Variants in VTI1A observed in about 807,000 individuals in gnomAD.
VTI1A encodes the protein vesicle transport through interaction with t-SNAREs 1A, also known as vesicle transport through interaction with t-SNAREs homolog 1A.
A neutral mutation model predicts 34.9 loss-of-function variants in VTI1A; 22 were observed. That is an observed-to-expected ratio of 0.63 (90% CI 0.45 to 0.90). The LOEUF is 0.90. Among genes scored for constraint, VTI1A ranks in the 40% least tolerant of loss-of-function variants. The pLI is 0.00. For synonymous variants in VTI1A, 87 were observed against 97.3 expected, an observed-to-expected ratio of 0.89 and a Z score of 0.62; for missense variants, 268 against 275.6, an observed-to-expected ratio of 0.97 and a Z score of 0.20.
intron 3 of VTI1A, 190 bp downstream of exon 3, chr10:112,464,847 G>A: frequency 1.7e-6 from 1 of 593,634 alleles, no homozygotes; most frequent in Non-Finnish European, 3.0e-6. Context: ...AAGGTATGTT[G>A]GATTAATGAT....
At chr10:112,639,474 C>T (rs947113044) in intron 5 of VTI1A, among the ~76,000 whole-genome samples, 1 of 152,112 alleles carries the variant, frequency 6.6e-6, no homozygotes, top group African/African-American at 2.4e-5. Flanking sequence ...CTCATGTTAA[C>T]ATCATCATTT....
intron 5 of VTI1A, among the ~76,000 whole-genome samples, chr10:112,569,956 A>G (rs1852058173): frequency 6.6e-6 from 1 of 152,220 alleles, no homozygotes; most frequent in African/African-American, 2.4e-5. Flanking sequence ...GTTTTTCTCT[A>G]GAGAAATGTC....
chr10:112,819,017 T>C (rs1853600725), downstream of VTI1A, among the ~76,000 whole-genome samples: 1 of 152,192 alleles, frequency 6.6e-6, no homozygotes, highest in East Asian at 1.9e-4. Context: ...AGGCACACTT[T>C]AATATTTAAT....
At chr10:112,578,383 A>G (rs1352656023) in intron 5 of VTI1A, among the ~76,000 whole-genome samples, 1 of 152,190 alleles carries the variant, frequency 6.6e-6, no homozygotes, top group Non-Finnish European at 1.5e-5. Context: ...CTGGTTGAGT[A>G]AAAGGTATAT....
chr10:112,473,045 C>G (rs566097586), intron 3 of VTI1A, among the ~76,000 whole-genome samples: 2 of 149,478 alleles, frequency 1.3e-5, no homozygotes, highest in African/African-American at 4.9e-5. Flanking sequence ...CTTCTCTCCC[C>G]TTCTCCCTTG....
chr10:112,548,408 C>G (rs1429664465), intron 5 of VTI1A, among the ~76,000 whole-genome samples: 1 of 151,912 alleles, frequency 6.6e-6, no homozygotes, highest in East Asian at 1.9e-4. Context: ...AAACTAATAA[C>G]TTAAAACTGC....
chr10:112,474,718 A>G (rs1848222273), intron 3 of VTI1A, among the ~76,000 whole-genome samples: 1 of 151,828 alleles, frequency 6.6e-6, no homozygotes, highest in Non-Finnish European at 1.5e-5. Flanking sequence ...CAGCCTCCCA[A>G]AGTGCTGGGA....
intron 3 of VTI1A, among the ~76,000 whole-genome samples, chr10:112,518,593 A>C (rs200848485): frequency 6.4e-4 from 80 of 125,668 alleles, no homozygotes; most frequent in Admixed American, 2.6e-3. Context: ...CTCTCTCTAT[A>C]TATATATATA....
intron 5 of VTI1A, among the ~76,000 whole-genome samples, chr10:112,569,267 T>A (rs1852028784): frequency 6.6e-6 from 1 of 152,216 alleles, no homozygotes; most frequent in Non-Finnish European, 1.5e-5. Context: ...TGTTGCCTTC[T>A]GTGATCCAGG....
chr10:112,789,280 T>C (rs1852387603), intron 7 of VTI1A, among the ~76,000 whole-genome samples: 2 of 152,218 alleles, frequency 1.3e-5, no homozygotes, highest in Non-Finnish European at 2.9e-5. Flanking sequence ...TTATGTCACC[T>C]TCACTTTTAG....
At chr10:112,465,928 T>C (rs188927562) in intron 3 of VTI1A, among the ~76,000 whole-genome samples, 126 of 152,332 alleles carry the variant, frequency 8.3e-4, no homozygotes, top group Non-Finnish European at 1.1e-3. Context: ...AAAACCCTGC[T>C]AATGATAAAA....
chr10:112,573,336 C>A (rs1277445357), intron 5 of VTI1A, among the ~76,000 whole-genome samples: 1 of 152,096 alleles, frequency 6.6e-6, no homozygotes, highest in Non-Finnish European at 1.5e-5. Context: ...TCTTTATTGT[C>A]CCGTTTTCCT....
chr10:112,447,747 A>G (rs1316029937), intron 1 of VTI1A, among the ~76,000 whole-genome samples: 1 of 152,216 alleles, frequency 6.6e-6, no homozygotes, highest in Admixed American at 6.5e-5. Context: ...TTAACGTCTT[A>G]AGAGTCTTAA....
At chr10:112,662,156 G>A (rs1017168909) in intron 5 of VTI1A, among the ~76,000 whole-genome samples, 2 of 152,168 alleles carry the variant, frequency 1.3e-5, no homozygotes, top group Non-Finnish European at 2.9e-5. Flanking sequence ...TTGCTCAGAG[G>A]TTGTTAAACT....
chr10:112,754,120 T>G (rs554803665), intron 7 of VTI1A, among the ~76,000 whole-genome samples: 1 of 152,216 alleles, frequency 6.6e-6, no homozygotes, highest in Non-Finnish European at 1.5e-5. Context: ...TGGGAAAATG[T>G]TAAGCCCAAA....
intron 1 of VTI1A, among the ~76,000 whole-genome samples, chr10:112,447,911 C>T (rs1188805420): frequency 1.3e-5 from 2 of 152,046 alleles, no homozygotes; most frequent in African/African-American, 4.8e-5. Context: ...ATCAGGGTGC[C>T]TAGATTCAAA....
chr10:112,582,751 T>C (rs1436159318), intron 5 of VTI1A, among the ~76,000 whole-genome samples: 4 of 152,144 alleles, frequency 2.6e-5, no homozygotes, highest in African/African-American at 4.8e-5. Context: ...TTAGTGCCTT[T>C]TAACTTAAAC....
chr10:112,506,070 A>G (rs7358096), intron 3 of VTI1A, among the ~76,000 whole-genome samples: 43,763 of 151,940 alleles, frequency 0.29, 7,114 homozygotes, highest in East Asian at 0.72. Context: ...GTTCTGAGAA[A>G]TATGTGTCGT....
chr10:112,681,078 C>T (rs201633644), intron 7 of VTI1A, among the ~76,000 whole-genome samples: 7 of 141,070 alleles, frequency 5.0e-5, no homozygotes, highest in Non-Finnish European at 7.7e-5. Context: ...TTTTTCTTTT[C>T]TTTTTTTTTT....
Sources: allele counts gnomAD v4.1 joint callset (sites outside exome capture counted in the v4.1 genomes callset), GRCh38; gene constraint gnomAD v4.1.1; transcripts MANE v1.5; gene names NCBI Gene and HGNC (gene_info 2026-07-23, HGNC 2026-07-21).